The following ARID3B variants were observed in gnomAD, a reference collection of about 807,000 sequenced individuals.
ARID3B encodes the protein AT-rich interactive domain-containing protein 3B.
ARID3B carries 10 observed loss-of-function variants against 51.9 expected under a neutral mutation model. That is an observed-to-expected ratio of 0.19 (90% confidence interval 0.12 to 0.33). The LOEUF is 0.33. ARID3B is among the 10% of genes least tolerant of loss of function. The pLI is 1.00. For synonymous variants in ARID3B, 205 were observed against 279.5 expected, an observed-to-expected ratio of 0.73 and a Z score of 2.66; for missense variants, 483 against 716.3, an observed-to-expected ratio of 0.67 and a Z score of 3.72.
intron 2 of ARID3B, among the ~76,000 whole-genome samples, chr15:74,567,536 T>G (rs532804035): frequency 3.1e-4 from 47 of 152,128 alleles, no homozygotes; most frequent in Non-Finnish European, 5.9e-4. Flanking sequence ...CATCAGGTCT[T>G]TGCTTCTCAG....
At chr15:74,542,747 T>C (rs1452911186) in intron 1 of ARID3B, among the ~76,000 whole-genome samples, 1 of 152,238 alleles carries the variant, frequency 6.6e-6, no homozygotes, top group Non-Finnish European at 1.5e-5. Flanking sequence ...CCTGTTCACC[T>C]AAAATTGCCC....
intron 4 of ARID3B, among the ~76,000 whole-genome samples, chr15:74,584,243 G>C (rs1483798291): frequency 6.6e-6 from 1 of 152,196 alleles, no homozygotes; most frequent in Non-Finnish European, 1.5e-5. Flanking sequence ...CAAGTCATGG[G>C]GGGAAATCAG....
intron 2 of ARID3B, among the ~76,000 whole-genome samples, chr15:74,572,546 G>A (rs1399657090): frequency 2.0e-5 from 3 of 152,180 alleles, no homozygotes; most frequent in African/African-American, 7.2e-5. Context: ...TCTAAGCAAC[G>A]TGGGCCTTTG....
chr15:74,556,745 T>C (rs113491987), intron 2 of ARID3B, among the ~76,000 whole-genome samples: 1 of 151,862 alleles, frequency 6.6e-6, no homozygotes, highest in African/African-American at 2.4e-5. Flanking sequence ...GGGCTCACTT[T>C]CCTTTTCCTT....
intron 2 of ARID3B, among the ~76,000 whole-genome samples, chr15:74,562,284 G>A (rs2061682048): frequency 6.6e-6 from 1 of 152,074 alleles, no homozygotes. Context: ...TGGGATTACA[G>A]GCATCCACCA....
chr15:74,557,426 T>C (rs541846136), intron 2 of ARID3B, among the ~76,000 whole-genome samples: 1 of 151,908 alleles, frequency 6.6e-6, no homozygotes, highest in Non-Finnish European at 1.5e-5. Flanking sequence ...AAAAAAAAAT[T>C]GTGGTATGTT....
chr15:74,589,693 G>C, intron 4 of ARID3B, 127 bp from the exon 5 acceptor site: 1 of 1,020,546 alleles, frequency 9.8e-7, no homozygotes, highest in Non-Finnish European at 1.4e-6. Flanking sequence ...TGGGGAGTTT[G>C]AGTTAAATTA....
intron 8 of ARID3B, 32 bp from the exon 9 acceptor site, chr15:74,595,579 T>C: frequency 6.2e-7 from 1 of 1,603,426 alleles, no homozygotes; most frequent in Non-Finnish European, 8.5e-7. Flanking sequence ...GCTCTTCCTC[T>C]GCCCACACTT....
chr15:74,572,351 C>T (rs779336355), intron 2 of ARID3B, among the ~76,000 whole-genome samples: 3 of 152,184 alleles, frequency 2.0e-5, no homozygotes, highest in East Asian at 1.9e-4. Context: ...TCTTGCCATG[C>T]GGCTTAGGGT....
At chr15:74,573,346 T>C in intron 4 of ARID3B, 142 bp downstream of exon 4, 1 of 883,826 alleles carries the variant, frequency 1.1e-6, no homozygotes, top group Non-Finnish European at 1.8e-6. Flanking sequence ...GTTCTGGATT[T>C]AGCCAATTAA....
chr15:74,564,997 A>G (rs2061692433), intron 2 of ARID3B, among the ~76,000 whole-genome samples: 1 of 152,106 alleles, frequency 6.6e-6, no homozygotes, highest in Admixed American at 6.6e-5. Flanking sequence ...TTTGATTTAT[A>G]GAGAATAGAC....
rs1370502352 is a variant in ARID3B, at chr15:74,588,247, AAAAG to A, written c.698-1570_698-1567del. On this transcript the variant is annotated intron_variant, in intron 4 of 8. Coordinates refer to ENST00000346246, the MANE Select transcript of ARID3B (RefSeq NM_006465.4). ...AGACCCTATCTTTTAAAAAAAAAAA[AAAAG>A]AAGAAGAAGAGGCCTGGTCCTGCCG... Among the ~76,000 whole-genome samples, 71 of 151,912 alleles carry A rather than the reference AAAAG, an allele frequency of 4.7e-4. 1 individual carries two copies. Among genetic ancestry groups the A allele is most frequent in the Admixed American group, 2.8e-3 (43 of 15,264 alleles).
At chr15:74,555,321 C>T (rs898636478) in intron 2 of ARID3B, among the ~76,000 whole-genome samples, 2 of 151,624 alleles carry the variant, frequency 1.3e-5, no homozygotes, top group Non-Finnish European at 2.9e-5. Context: ...AAGTTTGCTA[C>T]GATTGACTCT....
chr15:74,579,574 A>G (rs769785395), intron 4 of ARID3B, among the ~76,000 whole-genome samples: 1 of 152,220 alleles, frequency 6.6e-6, no homozygotes, highest in African/African-American at 2.4e-5. Flanking sequence ...TGAACAAAAA[A>G]TAAAAGAAGA....
chr15:74,561,727 G>T (rs2061680110), intron 2 of ARID3B, among the ~76,000 whole-genome samples: 1 of 152,148 alleles, frequency 6.6e-6, no homozygotes, highest in Non-Finnish European at 1.5e-5. Context: ...TAAAATGCTG[G>T]AATAGTGCCT....
chr15:74,554,347 G>C (rs2061649041), intron 2 of ARID3B, among the ~76,000 whole-genome samples: 1 of 151,680 alleles, frequency 6.6e-6, no homozygotes, highest in East Asian at 1.9e-4. Flanking sequence ...CTGTCACCCA[G>C]GCTGGAGTGC....
Position 74,589,805 on chromosome 15 carries a change from G to T in ARID3B, c.698-15G>T, listed in dbSNP as rs749899748. 6.3e-7 allele frequency: 1 copy of T among 1,591,964 alleles called. No individual in the cohort carries two copies. The highest frequency in any genetic ancestry group is 2.2e-5 in the East Asian group (1 of 44,576). On this transcript the variant is annotated splice_polypyrimidine_tract_variant and intron_variant, in intron 4 of 8. Transcript: ENST00000346246. ...GATGATCCCGCTGTCTCTTTCTCTC[G>T]TTGGACAACCACAGGGACCCCCATC... is the stretch of plus-strand genomic sequence containing the variant.
chr15:74,581,302 A>C, intron 4 of ARID3B, among the ~76,000 whole-genome samples: 1 of 152,238 alleles, frequency 6.6e-6, no homozygotes, highest in East Asian at 1.9e-4. Context: ...TTCAAAGTGC[A>C]ACTTGAGTGT....
Position 74,597,479 on chromosome 15 carries a change from C to G in ARID3B, c.*1705C>G. On this transcript the variant is annotated 3_prime_UTR_variant, in exon 9 of 9. Transcript: ENST00000346246. ...TGCTCAACTGCGTCTTCTCTCAGCC[C>G]TCCACACACACTCACCCCCACTCCC... 9.4e-6 allele frequency: 5 copies of G among 530,028 alleles called. No individual in the cohort carries two copies. Among genetic ancestry groups the G allele is most frequent in the South Asian group, 3.1e-5 (2 of 64,322 alleles). 32.8% of individuals were successfully genotyped at this position (530,028 alleles called of 1,614,324 possible). A position where few individuals can be genotyped will look rare whatever the true frequency, so the allele number is the denominator to read the frequency against.
Sources: gnomAD v4.1 joint callset for allele counts (sites outside exome capture counted in the v4.1 genomes callset) on GRCh38, gnomAD v4.1.1 for gene constraint, MANE v1.5 for transcripts, NCBI Gene and HGNC (gene_info 2026-07-23, HGNC 2026-07-21) for gene names.